IGF1: variants seen among roughly 807,000 people sequenced by gnomAD.
IGF1 encodes insulin like growth factor 1, also known as insulin-like growth factor 1.
Under a neutral mutation model 13.8 loss-of-function variants are expected in IGF1, and 4 were observed. The ratio of observed to expected loss-of-function variants is 0.29; its 90% CI spans 0.14 to 0.66. IGF1 has a LOEUF of 0.66. IGF1 is among the 30% of genes least tolerant of loss of function. The pLI, the probability that IGF1 is intolerant of heterozygous loss-of-function variation, is 0.78. For synonymous variants in IGF1, 76 were observed against 72.6 expected (o/e 1.05, Z -0.23); for missense variants, 124 against 188.5 (o/e 0.66, Z 2.00).
At chr12:102,439,055 A>G (rs1877480012) in intron 2 of IGF1, among the ~76,000 whole-genome samples, 1 of 152,256 alleles carries the variant, frequency 6.6e-6, no homozygotes. Context: ...TGCTGTAGCC[A>G]CAACACTTGC....
At position 102,417,661 on chromosome 12, in the gene IGF1, G is replaced by A. The variant is rs897794662; in HGVS notation, c.402+1848C>T. The A allele has an allele frequency of 2.3e-5, 33 of 1,404,954 alleles. No individual in the cohort carries two copies. In the African/African-American group the frequency reaches 4.0e-4, roughly 17 times the overall value. The allele number at this position is 1,404,954 out of a possible 1,614,324, so 87.0% of individuals were successfully genotyped here. A position where few individuals can be genotyped will look rare whatever the true frequency, so the allele number is the denominator to read the frequency against. ...CCGTTTTCTCCATGTTTCTTAGCGA[G>A]ATTCTCTAAAAGGTTACTTCTATTT... is the stretch of plus-strand genomic sequence containing the variant. On this transcript the variant is annotated intron_variant, in intron 3 of 3. Transcript: ENST00000337514.
chr12:102,410,397 C>A (rs1012504623), intron 3 of IGF1, among the ~76,000 whole-genome samples: 1 of 152,058 alleles, frequency 6.6e-6, no homozygotes, highest in Admixed American at 6.5e-5. Flanking sequence ...TATTATCTTT[C>A]GCAGAGGGAG....
chr12:102,415,681 G>T (rs773994424), intron 3 of IGF1: 1 of 148,522 alleles, frequency 6.7e-6, no homozygotes, highest in Non-Finnish European at 1.5e-5. Context: ...TTATGATTGG[G>T]TATAATTATA....
chr12:102,411,737 T>C (rs897016823), intron 3 of IGF1, among the ~76,000 whole-genome samples: 11 of 152,210 alleles, frequency 7.2e-5, no homozygotes, highest in Non-Finnish European at 1.2e-4. Context: ...AGGTAACCCA[T>C]TGTCATCTTT....
At chr12:102,476,878 A>G (rs1413501289) in intron 1 of IGF1, among the ~76,000 whole-genome samples, 1 of 152,168 alleles carries the variant, frequency 6.6e-6, no homozygotes, top group African/African-American at 2.4e-5. Context: ...TAAGATGATC[A>G]TTAAGTTTTT....
At chr12:102,441,059 C>T (rs1284312912) in intron 2 of IGF1, among the ~76,000 whole-genome samples, 1 of 152,192 alleles carries the variant, frequency 6.6e-6, no homozygotes, top group Non-Finnish European at 1.5e-5. Flanking sequence ...ACAAGGAAAT[C>T]TCCAAGCCTC....
chr12:102,478,499 C>A, intron 1 of IGF1: 1 of 1,610,378 alleles, frequency 6.2e-7, no homozygotes, highest in Non-Finnish European at 8.5e-7. Flanking sequence ...TAGGTGTAAT[C>A]ATTTTTGTTT....
At position 102,475,786 on chromosome 12, in the gene IGF1, G is replaced by T. The variant is rs1239905891; in HGVS notation, c.77C>A (p.Thr26Asn). The T allele has an allele frequency of 6.2e-7, 1 of 1,613,464 alleles. No homozygotes were observed. Among genetic ancestry groups the T allele is most frequent in the Non-Finnish European group, 8.5e-7 (1 of 1,179,750 alleles). ...FCDFLKVKMH[T>N]MSSSHLFYLA... is the part of the protein sequence containing the mutation. ...GTAGAAGAGATGCGAGGAGGACATG[G>T]TGTGCATCTTCACCTGCCCAAGAAA... Residue 26 changes from threonine to asparagine, a missense_variant, in exon 2 of 4, where the codon ACC becomes AAC. Physicochemically the swap from Thr to Asn is moderately conservative, Grantham distance 65. Coordinates refer to ENST00000337514, the MANE Select transcript of IGF1 (RefSeq NM_000618.5).
chr12:102,441,915 C>CCCTCTTCTTCTTCTTCTTCTT (rs1877797121), intron 2 of IGF1, among the ~76,000 whole-genome samples: 10 of 122,180 alleles, frequency 8.2e-5, no homozygotes, highest in Admixed American at 4.4e-4. Context: ...TGCTTCTTCT[C>CCCTCTTCTTCTTCTTCTTCTT]CTTCTTCTTC....
chr12:102,453,492 A>G (rs944510177), intron 2 of IGF1, among the ~76,000 whole-genome samples: 2 of 152,226 alleles, frequency 1.3e-5, no homozygotes, highest in Admixed American at 6.5e-5. Flanking sequence ...ATACAGAGGA[A>G]TATGATGCCA....
At chr12:102,480,858 A>G (rs1881352769), upstream of IGF1, among the ~76,000 whole-genome samples, 1 of 152,258 alleles carries the variant, frequency 6.6e-6, no homozygotes, top group Non-Finnish European at 1.5e-5. Flanking sequence ...TCTGCTGGGC[A>G]TGAAGACACA....
At chr12:102,437,317 A>T (rs1236865191) in intron 2 of IGF1, among the ~76,000 whole-genome samples, 1 of 152,234 alleles carries the variant, frequency 6.6e-6, no homozygotes, top group Non-Finnish European at 1.5e-5. Context: ...TGTGTGGTGA[A>T]GGCTGAAGGA....
chr12:102,408,710 G>A (rs1555237728), intron 3 of IGF1, among the ~76,000 whole-genome samples: 2 of 152,160 alleles, frequency 1.3e-5, no homozygotes, highest in African/African-American at 2.4e-5. Context: ...GGACATTGAG[G>A]CAGACCTATT....
At position 102,465,711 on chromosome 12, in the gene IGF1, C is replaced by T. The variant is rs575918421; in HGVS notation, c.220+9932G>A. On this transcript the variant is annotated intron_variant, in intron 2 of 3. Transcript: ENST00000337514. Reference sequence around the variant, plus strand: ...CAGCACTTTGTGAGTCCAAGGCAGGCGGATCACCTGAGGTCAGGAGTTCGA... The same window carrying T: ...CAGCACTTTGTGAGTCCAAGGCAGGTGGATCACCTGAGGTCAGGAGTTCGA... Among the ~76,000 whole-genome samples, 192 of 152,196 alleles carry T rather than the reference C, an allele frequency of 1.3e-3. 1 individual carries two copies. Among genetic ancestry groups the T allele is most frequent in the African/African-American group, 4.1e-3 (170 of 41,532 alleles).
chr12:102,450,310 G>C (rs946671014), intron 2 of IGF1, among the ~76,000 whole-genome samples: 5 of 152,356 alleles, frequency 3.3e-5, no homozygotes, highest in African/African-American at 9.6e-5. Flanking sequence ...GAGTAAGAGA[G>C]TAGCATAAAG....
At chr12:102,408,467 G>C (rs1874361514) in intron 3 of IGF1, among the ~76,000 whole-genome samples, 1 of 152,194 alleles carries the variant, frequency 6.6e-6, no homozygotes, top group Admixed American at 6.5e-5. Flanking sequence ...CACATTTTGA[G>C]AAACGTGTAC....
chr12:102,448,345 A>G (rs1271233092), intron 2 of IGF1, among the ~76,000 whole-genome samples: 1 of 150,370 alleles, frequency 6.7e-6, no homozygotes, highest in African/African-American at 2.5e-5. Context: ...TACACCATGG[A>G]ATACTATGCA....
At chr12:102,402,986 G>A (rs1024549679) in intron 3 of IGF1, among the ~76,000 whole-genome samples, 1 of 151,994 alleles carries the variant, frequency 6.6e-6, no homozygotes, top group Admixed American at 6.6e-5. Flanking sequence ...TTTAATTTTT[G>A]TAAAAAAGAG....
At chr12:102,464,868 CT>C (rs1449293071) in intron 2 of IGF1, among the ~76,000 whole-genome samples, 1 of 152,156 alleles carries the variant, frequency 6.6e-6, no homozygotes, top group Non-Finnish European at 1.5e-5. Flanking sequence ...CTTTTTGAGG[CT>C]AAGCAGAAAT....
Sources: gnomAD v4.1 joint callset for allele counts (sites outside exome capture counted in the v4.1 genomes callset) on GRCh38, gnomAD v4.1.1 for gene constraint, MANE v1.5 for transcripts, NCBI Gene and HGNC (gene_info 2026-07-23, HGNC 2026-07-21) for gene names.